The following HIP1 variants were observed in gnomAD, a reference collection of about 807,000 sequenced individuals.
HIP1 encodes the protein huntingtin-interacting protein 1.
Under a neutral mutation model 147.6 loss-of-function variants are expected in HIP1, and 65 were observed. The ratio of observed to expected loss-of-function variants is 0.44; its 90% CI spans 0.36 to 0.54. The LOEUF is 0.54. Among genes scored for constraint, HIP1 ranks in the 20% least tolerant of loss-of-function variants. HIP1 has a pLI of 0.00. For missense variants in HIP1, 1,061 were observed against 1,299.6 expected, an observed-to-expected ratio of 0.82 and a Z score of 2.82; for synonymous variants, 479 against 504.0, an observed-to-expected ratio of 0.95 and a Z score of 0.67.
chr7:75,706,224 C>A (rs1554519708), intron 1 of HIP1, among the ~76,000 whole-genome samples: 1 of 152,132 alleles, frequency 6.6e-6, no homozygotes, highest in African/African-American at 2.4e-5. Flanking sequence ...AACCACCTGA[C>A]TGTTTTCTAC....
In HIP1 at chr7:75,554,531, G is replaced by A. The variant is rs1554492822; in HGVS notation, c.1964-5C>T. 2.5e-6 allele frequency: 4 copies of A among 1,611,346 alleles called. No individual in the cohort carries two copies. Among genetic ancestry groups the A allele is most frequent in the Non-Finnish European group, 3.4e-6 (4 of 1,177,790 alleles). On this transcript the variant is annotated splice_polypyrimidine_tract_variant and splice_region_variant and intron_variant, in intron 19 of 30. Coordinates refer to ENST00000336926, the MANE Select transcript of HIP1 (RefSeq NM_005338.7). ...TGACCGTGGAGAGGAGGTGATCTGT[G>A]AGAGGGAACACAGGGCAAGGTCAGA...
Position 75,595,231 on chromosome 7 carries a change from T to TTCCTTCCTTC in HIP1, c.185-2718_185-2717insGAAGGAAGGA, listed in dbSNP as rs1330202196. 8.5e-5 allele frequency among the ~76,000 whole-genome samples: 9 copies of TTCCTTCCTTC among 106,172 alleles called. No individual in the cohort carries two copies. The South Asian group carries it at 2.0e-3, about 24-fold the overall frequency. 69.7% of individuals were successfully genotyped at this position (106,172 alleles called of 152,430 possible). A position where few individuals can be genotyped will look rare whatever the true frequency, so the allele number is the denominator to read the frequency against. On this transcript the variant is annotated intron_variant, in intron 2 of 30. Transcript: ENST00000336926. ...TTCTTTCTTTCTTTCTTTCTTTCTT[T>TTCCTTCCTTC]CTTTCTTTCTTTCTTTCTTTCTTCC... is the stretch of plus-strand genomic sequence containing the variant.
At chr7:75,641,349 C>CTG (rs1249563839) in intron 1 of HIP1, among the ~76,000 whole-genome samples, 21 of 152,056 alleles carry the variant, frequency 1.4e-4, no homozygotes, top group Admixed American at 1.4e-3. Context: ...TTGAGAACTC[C>CTG]TGGACTCAAG....
chr7:75,607,489 A>G (rs1797272164), intron 1 of HIP1, among the ~76,000 whole-genome samples: 2 of 149,394 alleles, frequency 1.3e-5, no homozygotes, highest in Non-Finnish European at 1.5e-5. Flanking sequence ...TTGGCCTCTC[A>G]AAGTGCTGGG....
At chr7:75,675,522 A>G (rs1293450341) in intron 1 of HIP1, among the ~76,000 whole-genome samples, 1 of 151,452 alleles carries the variant, frequency 6.6e-6, no homozygotes, top group Non-Finnish European at 1.5e-5. Context: ...TTTTTGTTTC[A>G]GTTTTTGTAT....
chr7:75,698,016 G>A (rs1201678126), intron 1 of HIP1, among the ~76,000 whole-genome samples: 1 of 151,980 alleles, frequency 6.6e-6, no homozygotes, highest in Non-Finnish European at 1.5e-5. Context: ...TAGAGACTGA[G>A]GTCTCACACA....
intron 16 of HIP1, among the ~76,000 whole-genome samples, chr7:75,557,213 A>G (rs1363958784): frequency 3.3e-5 from 5 of 151,738 alleles, no homozygotes; most frequent in Non-Finnish European, 7.4e-5. Flanking sequence ...TAACTTTTGT[A>G]TTTTTAGTAG....
intron 8 of HIP1, among the ~76,000 whole-genome samples, chr7:75,570,315 G>A (rs1225815290): frequency 2.1e-5 from 3 of 141,596 alleles, no homozygotes; most frequent in African/African-American, 7.9e-5. Context: ...TTTTCGAGAC[G>A]ATGTCTCGCT....
Position 75,536,406 on chromosome 7 carries a change from C to A in HIP1, c.*1766G>T, listed in dbSNP as rs1349347416. ...CAGTGATCAAACAGAAGTCTCACAACCCGTCATGTAGCAAAACCTAGCAAT... is the reference window on the plus strand; with the variant it reads ...CAGTGATCAAACAGAAGTCTCACAAACCGTCATGTAGCAAAACCTAGCAAT... On this transcript the variant is annotated 3_prime_UTR_variant, in exon 31 of 31. Coordinates refer to ENST00000336926, the MANE Select transcript of HIP1 (RefSeq NM_005338.7). 4.4e-6 allele frequency: 1 copy of A among 225,336 alleles called. No individual in the cohort carries two copies. Among genetic ancestry groups the A allele is most frequent in the African/African-American group, 2.2e-5 (1 of 44,794 alleles). 14.0% of individuals were successfully genotyped at this position (225,336 alleles called of 1,614,324 possible). A position where few individuals can be genotyped will look rare whatever the true frequency, so the allele number is the denominator to read the frequency against.
chr7:75,547,179 G>A (rs1270209043), intron 24 of HIP1, 147 bp from the exon 25 acceptor site: 22 of 659,500 alleles, frequency 3.3e-5, no homozygotes, highest in Non-Finnish European at 2.1e-5. Context: ...AACATTCTGC[G>A]GGGAGGCACC....
intron 1 of HIP1, among the ~76,000 whole-genome samples, chr7:75,691,669 T>C (rs868950538): frequency 6.6e-6 from 1 of 151,856 alleles, no homozygotes; most frequent in African/African-American, 2.4e-5. Flanking sequence ...GCACCTGTAA[T>C]CCCAGCTACT....
intron 1 of HIP1, among the ~76,000 whole-genome samples, chr7:75,652,045 G>A (rs1401092411): frequency 6.8e-6 from 1 of 147,856 alleles, no homozygotes; most frequent in Non-Finnish European, 1.5e-5. Flanking sequence ...GCCTGGTATG[G>A]TGGCTCACAC....
At chr7:75,670,861 ATCC>A (rs1338838156) in intron 1 of HIP1, among the ~76,000 whole-genome samples, 2 of 140,512 alleles carry the variant, frequency 1.4e-5, no homozygotes, top group East Asian at 4.2e-4. Context: ...GGCTTAAGCG[ATCC>A]TCCTACCTCT....
At chr7:75,622,883 ATC>A (rs1554507396) in intron 1 of HIP1, among the ~76,000 whole-genome samples, 153 of 129,960 alleles carry the variant, frequency 1.2e-3, no homozygotes, top group African/African-American at 4.9e-3. Flanking sequence ...CTATCTATCT[ATC>A]TATCTATCTA....
intron 1 of HIP1, among the ~76,000 whole-genome samples, chr7:75,629,924 C>T (rs34160770): frequency 0.2 from 29,751 of 151,978 alleles, 3,603 homozygotes; most frequent in Middle Eastern, 0.28. Context: ...GTTGGGAGGC[C>T]GAGGCAGGAG....
At position 75,536,741 on chromosome 7, in the gene HIP1, A is replaced by C. The variant is rs1481384467; in HGVS notation, c.*1431T>G. 1 of 228,492 alleles carries C rather than the reference A, an allele frequency of 4.4e-6. No homozygotes were observed. The highest frequency in any genetic ancestry group is 8.7e-6 in the Non-Finnish European group (1 of 115,262). 14.2% of individuals were successfully genotyped at this position (228,492 alleles called of 1,614,324 possible). ...AATGATCTCCTTGCTTTGGGATCCAAGTCAGTAACAGTCCAGCACCTTGGC... is the reference window on the plus strand; with the variant it reads ...AATGATCTCCTTGCTTTGGGATCCACGTCAGTAACAGTCCAGCACCTTGGC... On this transcript the variant is annotated 3_prime_UTR_variant, in exon 31 of 31. Coordinates refer to ENST00000336926, the MANE Select transcript of HIP1 (RefSeq NM_005338.7).
intron 21 of HIP1, 72 bp downstream of exon 21, chr7:75,554,041 G>A (rs879996839): frequency 6.2e-5 from 72 of 1,159,018 alleles, no homozygotes; most frequent in South Asian, 2.2e-4. Flanking sequence ...CACTGCGCCC[G>A]GCCCAACAGA....
chr7:75,649,977 A>T (rs1554511726), intron 1 of HIP1, among the ~76,000 whole-genome samples: 1 of 152,078 alleles, frequency 6.6e-6, no homozygotes. Context: ...CAGATTTGAC[A>T]TCACAGGGGA....
chr7:75,710,664 G>T (rs1193130381), intron 1 of HIP1, among the ~76,000 whole-genome samples: 2 of 152,042 alleles, frequency 1.3e-5, no homozygotes, highest in African/African-American at 2.4e-5. Context: ...TAAGTGGGAG[G>T]ATCACTTGAG....
Sources: allele counts gnomAD v4.1 joint callset (sites outside exome capture counted in the v4.1 genomes callset), GRCh38; gene constraint gnomAD v4.1.1; transcripts MANE v1.5; gene names NCBI Gene and HGNC (gene_info 2026-07-23, HGNC 2026-07-21).